OAT: variants seen among roughly 807,000 people sequenced by gnomAD.
OAT encodes the protein ornithine aminotransferase, mitochondrial.
Under a neutral mutation model 48.4 loss-of-function variants are expected in OAT, and 35 were observed. The observed-to-expected ratio is 0.72, with a 90% confidence interval of 0.55 to 0.96. The LOEUF is 0.96. Ranked by LOEUF, OAT falls within the 40% of genes least tolerant of loss-of-function variation. The pLI is 0.00. For missense variants in OAT, 438 were observed against 537.9 expected (o/e 0.81, Z 1.84); for synonymous variants, 182 against 198.4 (o/e 0.92, Z 0.70).
chr10:124,408,415 G>A, intron 4 of OAT, 127 bp downstream of exon 4: 1 of 697,512 alleles, frequency 1.4e-6, no homozygotes. Flanking sequence ...TGAACTCCAG[G>A]GCTCAAAGAC....
At chr10:124,416,190 A>T (rs1951913386) in intron 1 of OAT, among the ~76,000 whole-genome samples, 1 of 152,170 alleles carries the variant, frequency 6.6e-6, no homozygotes, top group Non-Finnish European at 1.5e-5. Context: ...TATGCCTATA[A>T]GTCTATACTC....
intron 1 of OAT, among the ~76,000 whole-genome samples, chr10:124,415,688 G>A (rs1234504362): frequency 6.6e-6 from 1 of 152,168 alleles, no homozygotes; most frequent in Non-Finnish European, 1.5e-5. Flanking sequence ...CCCGAGTTTG[G>A]AGACCGGGAT....
rs1476118120 is a variant in OAT at position 124,397,619 on chromosome 10, T to C, written c.*323A>G. ...TGAAACACTTATACCAGTGAGGAAA[T>C]TATAAAAACATATATCAATTATACT... On this transcript the variant is annotated 3_prime_UTR_variant, in exon 10 of 10. Coordinates refer to ENST00000368845, the MANE Select transcript of OAT (RefSeq NM_000274.4). 2 of 250,182 alleles carry C rather than the reference T, an allele frequency of 8.0e-6. No homozygotes were observed. The highest frequency in any genetic ancestry group is 2.3e-5 in the African/African-American group (1 of 43,922). 15.5% of individuals were successfully genotyped at this position (250,182 alleles called of 1,614,324 possible). A position where few individuals can be genotyped will look rare whatever the true frequency, so the allele number is the denominator to read the frequency against.
intron 2 of OAT, among the ~76,000 whole-genome samples, chr10:124,409,396 G>A (rs1211468259): frequency 6.6e-6 from 1 of 151,964 alleles, no homozygotes; most frequent in African/African-American, 2.4e-5. Flanking sequence ...AATCCCTGAC[G>A]CTACAGAAAA....
At position 124,406,035 on chromosome 10, in the gene OAT, G is replaced by C. The variant is rs990608124; in HGVS notation, c.521-472C>G. The C allele has an allele frequency of 3.9e-6, 4 of 1,035,938 alleles. No individual in the cohort carries two copies. The African/African-American group carries it at 5.1e-5, about 13-fold the overall frequency. 64.2% of individuals were successfully genotyped at this position (1,035,938 alleles called of 1,614,324 possible). ...CAGAATGCATTTCCAATTTCATTTG[G>C]AGAAAAGATCCTCAAGCAATCCAAA... On this transcript the variant is annotated intron_variant, in intron 4 of 9. Transcript: ENST00000368845.
At chr10:124,414,537 A>C (rs1334113581) in intron 1 of OAT, 1 of 152,136 alleles carries the variant, frequency 6.6e-6, no homozygotes, top group East Asian at 2.0e-4. Flanking sequence ...AACAATCAAA[A>C]CAAAAGTGAT....
intron 1 of OAT, among the ~76,000 whole-genome samples, chr10:124,415,854 A>G (rs1423779266): frequency 6.6e-6 from 1 of 152,194 alleles, no homozygotes; most frequent in Non-Finnish European, 1.5e-5. Context: ...ATGGCCACTC[A>G]GTTCCCTTTT....
At chr10:124,411,942 A>G in intron 2 of OAT, 31 bp downstream of exon 2, 1 of 1,604,406 alleles carries the variant, frequency 6.2e-7, no homozygotes, top group Non-Finnish European at 8.5e-7. Flanking sequence ...GTTTCAAGAA[A>G]AGGGAAAAGA....
At chr10:124,402,510 A>G (rs1171883398) in intron 7 of OAT, among the ~76,000 whole-genome samples, 1 of 152,262 alleles carries the variant, frequency 6.6e-6, no homozygotes, top group African/African-American at 2.4e-5. Context: ...CCTCTGATGT[A>G]GTAACAATTA....
chr10:124,402,082 T>C (rs1282484788), intron 7 of OAT, among the ~76,000 whole-genome samples: 1 of 152,146 alleles, frequency 6.6e-6, no homozygotes, highest in Non-Finnish European at 1.5e-5. Context: ...GTAGTTTTAG[T>C]AGAGATATAG....
rs1269574936 is a variant in OAT at position 124,405,523 on chromosome 10, A to G, written c.561T>C (p.Ser187=). ...CATCGTAACTGGTTGGGTCTGTGGA[A>G]CTGGAGATAGCAGACAACGTCCTAC... The part of the protein sequence containing the change: ...FWGRTLSAIS[S]STDPTSYDGF... Residue 187 remains serine (S), a synonymous_variant, in exon 5 of 10, where the codon AGT becomes AGC. Transcript: ENST00000368845. The G allele has an allele frequency of 6.2e-7, 1 of 1,614,110 alleles. No homozygotes were observed. The highest frequency in any genetic ancestry group is 1.7e-5 in the Admixed American group (1 of 60,018).
Position 124,402,908 on chromosome 10 carries a change from G to C in OAT, c.900+19C>G. 1 of 1,612,930 alleles carries C rather than the reference G, an allele frequency of 6.2e-7. No individual in the cohort carries two copies. Among genetic ancestry groups the C allele is most frequent in the African/African-American group, 1.3e-5 (1 of 75,014 alleles). ...TTTACAAGAGTAGGAAATGGAAAGA[G>C]GGGGAACATGAAACTTACAGGGTAT... On this transcript the variant is annotated intron_variant, in intron 7 of 9. Coordinates refer to ENST00000368845, the MANE Select transcript of OAT (RefSeq NM_000274.4).
chr10:124,406,465 T>C (rs1951580307), intron 4 of OAT, among the ~76,000 whole-genome samples: 1 of 151,968 alleles, frequency 6.6e-6, no homozygotes, highest in Non-Finnish European at 1.5e-5. Context: ...CATTCCGGCC[T>C]GGGTGACAGA....
chr10:124,403,025 C>T lies in OAT; in HGVS notation c.802G>A (p.Gly268Arg), dbSNP rs1951458055. 2 of 1,613,994 alleles carry T rather than the reference C, an allele frequency of 1.2e-6. No individual in the cohort carries two copies. Among genetic ancestry groups the T allele is most frequent in the Non-Finnish European group, 1.7e-6 (2 of 1,180,006 alleles). Residue 268 changes from glycine to arginine, a missense_variant, in exon 7 of 10, where the codon GGA becomes AGA. Physicochemically the swap from Gly to Arg is moderately radical, Grantham distance 125 (BLOSUM62 -2). Transcript: ENST00000368845. Reference protein sequence around the residue: ...VLFIADEIQTGLARTGRWLAV... With the variant: ...VLFIADEIQTRLARTGRWLAV... ...AGCCATCTACCAGTTCTGGCCAATC[C>T]TGTCTGTATTTCATCAGCAATAAAG...
intron 4 of OAT, among the ~76,000 whole-genome samples, chr10:124,406,675 G>T (rs1383441144): frequency 6.6e-6 from 1 of 151,706 alleles, no homozygotes; most frequent in African/African-American, 2.4e-5. Flanking sequence ...AATTAGCTGG[G>T]CGTGGTGGTG....
intron 6 of OAT, 48 bp from the exon 7 acceptor site, chr10:124,403,103 C>T (rs1951462793): frequency 6.8e-6 from 11 of 1,606,724 alleles, no homozygotes; most frequent in Non-Finnish European, 9.4e-6. Flanking sequence ...TTCGTTTCCA[C>T]AGGGAAAATA....
At position 124,398,115 on chromosome 10, in the gene OAT, A is replaced by G. The variant is rs372850085; in HGVS notation, c.1160-13T>C. On this transcript the variant is annotated splice_polypyrimidine_tract_variant and intron_variant, in intron 9 of 9. Transcript: ENST00000368845. ...CAAGCATCCCAATCTAAAGAAAAAT[A>G]GTAAAACGTACATGCTCAAAGATAA... is the stretch of plus-strand genomic sequence containing the variant. The G allele has an allele frequency of 1.2e-6, 2 of 1,613,852 alleles. No individual in the cohort carries two copies. Among genetic ancestry groups the G allele is most frequent in the Admixed American group, 3.3e-5 (2 of 60,004 alleles).
chr10:124,403,912 AAGAGC>A lies in OAT; in HGVS notation c.652_656del (p.Ala218SerfsTer16). ...TGAACGCAGCCACATTTGGATCCTG[AAGAGC>A]ACGCTACAGAAGAAACAGGAATAAG... is the stretch of plus-strand genomic sequence containing the variant. On this transcript the variant is annotated frameshift_variant, in exon 6 of 10. Coordinates refer to ENST00000368845, the MANE Select transcript of OAT (RefSeq NM_000274.4). LOFTEE classifies it high-confidence loss of function. The A allele has an allele frequency of 6.2e-7, 1 of 1,614,126 alleles. No homozygotes were observed. The highest frequency in any genetic ancestry group is 1.1e-5 in the South Asian group (1 of 91,086).
At chr10:124,415,318 T>C (rs1269879598) in intron 1 of OAT, among the ~76,000 whole-genome samples, 4 of 152,092 alleles carry the variant, frequency 2.6e-5, no homozygotes, top group Non-Finnish European at 4.4e-5. Context: ...CACTTACAGA[T>C]GGAGTCTCAG....
Sources: gnomAD v4.1 joint callset for allele counts (sites outside exome capture counted in the v4.1 genomes callset) on GRCh38, gnomAD v4.1.1 for gene constraint, MANE v1.5 for transcripts, NCBI Gene and HGNC (gene_info 2026-07-23, HGNC 2026-07-21) for gene names.